Variants in MGRN1 observed in about 807,000 individuals in gnomAD.
The protein encoded by MGRN1 is mahogunin ring finger 1, also known as E3 ubiquitin-protein ligase MGRN1.
A neutral mutation model predicts 69.2 loss-of-function variants in MGRN1; 29 were observed. The observed-to-expected ratio is 0.42, with a 90% CI of 0.31 to 0.57. MGRN1 has a LOEUF of 0.57. MGRN1 is among the 20% of genes least tolerant of loss of function. The pLI, the probability that MGRN1 is intolerant of heterozygous loss-of-function variation, is 0.15. For synonymous variants in MGRN1, 470 were observed against 344.2 expected, an observed-to-expected ratio of 1.37 and a Z score of -4.04; for missense variants, 998 against 796.2, an observed-to-expected ratio of 1.25 and a Z score of -3.05.
At chr16:4,649,248 G>T (rs2078348601) in intron 1 of MGRN1, 1 of 152,308 alleles carries the variant, frequency 6.6e-6, no homozygotes, top group Non-Finnish European at 1.5e-5. Flanking sequence ...ACAGGGCTCA[G>T]ATTTGGGGGT....
At position 4,668,418 on chromosome 16, in the gene MGRN1, T is replaced by C. The variant is rs562891385; in HGVS notation, c.726+106T>C. Reference sequence around the variant, plus strand: ...ACACACACTCATACACACGCACATATACTCATACACGCTCATACACACTCA... The same window carrying C: ...ACACACACTCATACACACGCACATACACTCATACACGCTCATACACACTCA... On this transcript the variant is annotated intron_variant, in intron 8 of 16. Transcript: ENST00000262370. 251 of 1,202,856 alleles carry C rather than the reference T, an allele frequency of 2.1e-4. 2 individuals are homozygous for C. In the Admixed American group the frequency reaches 4.6e-3, roughly 22 times the overall value. 74.5% of individuals were successfully genotyped at this position (1,202,856 alleles called of 1,614,324 possible). A position where few individuals can be genotyped will look rare whatever the true frequency, so the allele number is the denominator to read the frequency against.
chr16:4,688,274 T>C, intron 16 of MGRN1: 3 of 985,986 alleles, frequency 3.0e-6, no homozygotes, highest in Non-Finnish European at 3.6e-6. Flanking sequence ...GGCGGCGTCG[T>C]GCAGGCCACA....
chr16:4,642,788 ATT>A (rs79535290), intron 1 of MGRN1, among the ~76,000 whole-genome samples: 3,107 of 140,150 alleles, frequency 0.022, 53 homozygotes, highest in South Asian at 0.042. Context: ...TAACGCTTGA[ATT>A]TTTTTTTTTT....
At chr16:4,637,246 A>G (rs966491849) in intron 1 of MGRN1, among the ~76,000 whole-genome samples, 3 of 151,828 alleles carry the variant, frequency 2.0e-5, no homozygotes, top group Non-Finnish European at 4.4e-5. Context: ...CCCGGCCAAC[A>G]TGGTGAAACC....
chr16:4,664,527 C>T, intron 5 of MGRN1, 182 bp from the exon 6 acceptor site: 1 of 628,332 alleles, frequency 1.6e-6, no homozygotes, highest in Non-Finnish European at 2.9e-6. Context: ...TCTGTTTTAA[C>T]ACACACATAA....
Position 4,668,256 on chromosome 16 carries a change from C to G in MGRN1, c.679-9C>G. ...ACCACCTTAACCTCTTTGTCTTTCT[C>G]CCCTGCAGCACATGGACGGCAGCTT... is the stretch of plus-strand genomic sequence containing the variant. On this transcript the variant is annotated splice_polypyrimidine_tract_variant and intron_variant, in intron 7 of 16. Coordinates refer to ENST00000262370, the MANE Select transcript of MGRN1 (RefSeq NM_015246.4). 1.2e-6 allele frequency: 2 copies of G among 1,613,842 alleles called. No individual in the cohort carries two copies. Among genetic ancestry groups the G allele is most frequent in the South Asian group, 1.1e-5 (1 of 91,064 alleles).
chr16:4,654,160 A>T (rs2078475242), intron 4 of MGRN1, among the ~76,000 whole-genome samples: 1 of 152,140 alleles, frequency 6.6e-6, no homozygotes, highest in Non-Finnish European at 1.5e-5. Flanking sequence ...CCAGGAGCCA[A>T]GAGTCACCTC....
At chr16:4,642,604 G>A (rs891567199) in intron 1 of MGRN1, among the ~76,000 whole-genome samples, 5 of 151,832 alleles carry the variant, frequency 3.3e-5, no homozygotes, top group East Asian at 1.9e-4. Context: ...GATTACAGGC[G>A]TGAGCCACCG....
At chr16:4,652,912 G>GA (rs1284345913) in intron 4 of MGRN1, 88 bp downstream of exon 4, 5 of 1,427,864 alleles carry the variant, frequency 3.5e-6, no homozygotes, top group African/African-American at 1.4e-5. Context: ...ACCAGAGGGA[G>GA]AAAACCAAAC....
At chr16:4,677,639 G>C in intron 11 of MGRN1, 67 bp downstream of exon 11, 1 of 1,460,600 alleles carries the variant, frequency 6.8e-7, no homozygotes, top group South Asian at 1.2e-5. Flanking sequence ...CAGGCGCAAG[G>C]CCCAGACGGT....
At chr16:4,647,847 C>T (rs778027128) in intron 1 of MGRN1, among the ~76,000 whole-genome samples, 5 of 152,088 alleles carry the variant, frequency 3.3e-5, no homozygotes, top group Non-Finnish European at 5.9e-5. Context: ...GGTGGGGCTG[C>T]GGCTCCCAAC....
In MGRN1 at chr16:4,688,863, T is replaced by C. The variant is rs772324422; in HGVS notation, c.1686T>C (p.Gly562=). Reference sequence around the variant, plus strand: ...CCAGCCCCACCTGGCCTCCACTTGGTGGCCCCAGCCCCGATCCCAGCGCCG... The same window carrying C: ...CCAGCCCCACCTGGCCTCCACTTGGCGGCCCCAGCCCCGATCCCAGCGCCG... The part of the protein sequence containing the change: ...ATTSPTWPPL[G]GPSPDPSAAE... The change falls in exon 17 of 17, where the codon GGT becomes GGC. Residue 562 remains glycine (G), a synonymous_variant. Transcript: ENST00000262370. The C allele has an allele frequency of 1.9e-6, 3 of 1,554,566 alleles. No homozygotes were observed. The highest frequency in any genetic ancestry group is 1.9e-5 in the Admixed American group (1 of 52,362).
chr16:4,631,108 C>T (rs112535623), intron 1 of MGRN1, among the ~76,000 whole-genome samples: 2,005 of 152,220 alleles, frequency 0.013, 53 homozygotes, highest in African/African-American at 0.045. Context: ...AGGTGTGAGC[C>T]GCTGTAGCTG....
In MGRN1 at chr16:4,649,791, A is replaced by C. The variant is rs2078360205; in HGVS notation, c.89-574A>C. 2.6e-5 allele frequency: 4 copies of C among 153,502 alleles called. No individual in the cohort carries two copies. The South Asian group carries it at 8.1e-4, about 31-fold the overall frequency. 9.5% of individuals were successfully genotyped at this position (153,502 alleles called of 1,614,324 possible). The stretch of plus-strand genomic sequence containing the variant: ...GCTGGATGCTGGCTGATGGGCTGGG[A>C]GCAGCGAGGAGCCGTCCAGGGAAGG... On this transcript the variant is annotated intron_variant, in intron 1 of 16. Coordinates refer to ENST00000262370, the MANE Select transcript of MGRN1 (RefSeq NM_015246.4).
intron 1 of MGRN1, among the ~76,000 whole-genome samples, chr16:4,643,449 A>G (rs886452932): frequency 7.4e-6 from 1 of 136,054 alleles, no homozygotes; most frequent in African/African-American, 2.9e-5. Flanking sequence ...CCCTCACTGC[A>G]ACCTCCGCTT....
intron 12 of MGRN1, 52 bp from the exon 13 acceptor site, chr16:4,681,498 G>T: frequency 6.5e-7 from 1 of 1,534,630 alleles, no homozygotes. Flanking sequence ...GGAGCGTCTG[G>T]GGAGCAGGTG....
chr16:4,667,912 C>G (rs1211304659), intron 7 of MGRN1, among the ~76,000 whole-genome samples: 3 of 152,160 alleles, frequency 2.0e-5, no homozygotes, highest in Non-Finnish European at 4.4e-5. Flanking sequence ...GGTGATACTT[C>G]TCGGTGTGCA....
intron 1 of MGRN1, among the ~76,000 whole-genome samples, chr16:4,626,242 G>A (rs953202193): frequency 1.3e-5 from 2 of 152,210 alleles, no homozygotes; most frequent in African/African-American, 4.8e-5. Flanking sequence ...TAGGCAGAAC[G>A]CACTGTTGCC....
intron 1 of MGRN1, among the ~76,000 whole-genome samples, chr16:4,644,737 T>C (rs1386735397): frequency 1.3e-5 from 2 of 152,240 alleles, no homozygotes; most frequent in African/African-American, 4.8e-5. Flanking sequence ...GTACAAAAAT[T>C]AATGATTCAT....
Sources: allele counts gnomAD v4.1 joint callset (sites outside exome capture counted in the v4.1 genomes callset), GRCh38; gene constraint gnomAD v4.1.1; transcripts MANE v1.5; gene names NCBI Gene and HGNC (gene_info 2026-07-23, HGNC 2026-07-21).